Variants in AIDA observed in about 807,000 individuals in gnomAD.
The protein encoded by AIDA is axin interactor, dorsalization associated, also known as axin interactor, dorsalization-associated protein.
AIDA carries 18 observed loss-of-function variants against 42.7 expected under a neutral mutation model. The observed-to-expected ratio is 0.42, with a 90% CI of 0.29 to 0.63. The LOEUF is 0.63. Ranked by LOEUF, AIDA falls within the 20% of genes least tolerant of loss-of-function variation. The pLI, the probability that AIDA is intolerant of heterozygous loss-of-function variation, is 0.19. For synonymous variants in AIDA, 104 were observed against 122.9 expected (o/e 0.85, Z 1.02); for missense variants, 250 against 354.1 (o/e 0.71, Z 2.36).
intron 1 of AIDA, among the ~76,000 whole-genome samples, chr1:222,707,868 A>G (rs1211884189): frequency 6.6e-6 from 1 of 152,232 alleles, no homozygotes; most frequent in Admixed American, 6.5e-5. Context: ...TACAATTTCA[A>G]AAATATCATG....
At chr1:222,694,093 T>C in intron 3 of AIDA, 117 bp downstream of exon 3, 1 of 953,276 alleles carries the variant, frequency 1.0e-6, no homozygotes, top group South Asian at 1.8e-5. Flanking sequence ...ATTTAATAGA[T>C]GTTGTTATAA....
chr1:222,680,000 C>CG (rs1054659439), intron 6 of AIDA, among the ~76,000 whole-genome samples: 1 of 152,202 alleles, frequency 6.6e-6, no homozygotes, highest in Non-Finnish European at 1.5e-5. Context: ...TCCCTGAACT[C>CG]GCTAGGAGCT....
chr1:222,695,351 G>A (rs1280493284), intron 2 of AIDA, among the ~76,000 whole-genome samples: 1 of 152,214 alleles, frequency 6.6e-6, no homozygotes, highest in African/African-American at 2.4e-5. Context: ...AATTAGCCAG[G>A]TATGGTTGCA....
At chr1:222,688,958 C>T (rs192836540) in intron 4 of AIDA, among the ~76,000 whole-genome samples, 9 of 152,092 alleles carry the variant, frequency 5.9e-5, no homozygotes, top group African/African-American at 1.9e-4. Flanking sequence ...ATGTGTGTTA[C>T]TGCCCTGGAA....
At chr1:222,703,592 A>G (rs1655767251) in intron 1 of AIDA, among the ~76,000 whole-genome samples, 1 of 152,202 alleles carries the variant, frequency 6.6e-6, no homozygotes. Context: ...CAGTGATTAT[A>G]CCAACCAGAG....
At chr1:222,695,400 G>A (rs1184733366) in intron 2 of AIDA, among the ~76,000 whole-genome samples, 1 of 152,226 alleles carries the variant, frequency 6.6e-6, no homozygotes, top group African/African-American at 2.4e-5. Flanking sequence ...GCTGAGGCGG[G>A]AGAATCGCTT....
At chr1:222,673,812 G>A (rs187531356) in intron 7 of AIDA, among the ~76,000 whole-genome samples, 270 of 150,698 alleles carry the variant, frequency 1.8e-3, no homozygotes, top group African/African-American at 6.3e-3. Flanking sequence ...GGTAGGGCAC[G>A]GTGGCTCACA....
rs1293070735 is a variant in AIDA, at chr1:222,689,479, G to GTATA, written c.290-1822_290-1821insTATA. Among the ~76,000 whole-genome samples, 79 of 45,192 alleles carry GTATA rather than the reference G, an allele frequency of 1.7e-3. 1 individual carries two copies. Among genetic ancestry groups the GTATA allele is most frequent in the Middle Eastern group, 0.014 (1 of 72 alleles). 29.6% of individuals were successfully genotyped at this position (45,192 alleles called of 152,430 possible). ...AAAAAGAAAATATGTATGTGTGTGT[G>GTATA]TGTATATATATATATATATATATAT... On this transcript the variant is annotated intron_variant, in intron 4 of 9. Transcript: ENST00000340020.
intron 6 of AIDA, among the ~76,000 whole-genome samples, chr1:222,685,539 G>A (rs1471080084): frequency 6.6e-6 from 1 of 152,136 alleles, no homozygotes; most frequent in Non-Finnish European, 1.5e-5. Context: ...TAACTATAAT[G>A]GAAAGCTTCT....
intron 4 of AIDA, among the ~76,000 whole-genome samples, chr1:222,688,855 C>A (rs1655270843): frequency 6.6e-6 from 1 of 151,992 alleles, no homozygotes; most frequent in African/African-American, 2.4e-5. Context: ...GCCTCAGCCT[C>A]CCCCCAGAAA....
rs964978301 is a variant in AIDA, at chr1:222,684,637, C to A, written c.460+2293G>T. Among the ~76,000 whole-genome samples, 49 of 152,184 alleles carry A rather than the reference C, an allele frequency of 3.2e-4. 1 individual carries two copies. Among genetic ancestry groups the A allele is most frequent in the African/African-American group, 1.1e-3 (47 of 41,448 alleles). On this transcript the variant is annotated intron_variant, in intron 6 of 9. Coordinates refer to ENST00000340020, the MANE Select transcript of AIDA (RefSeq NM_022831.4). ...TATAGCTAATTAAACCATACATACT[C>A]TTTCTTTTAGGGGGGAAAAAAATTC...
At chr1:222,683,492 G>T (rs1230121993) in intron 6 of AIDA, among the ~76,000 whole-genome samples, 2 of 152,090 alleles carry the variant, frequency 1.3e-5, no homozygotes, top group Non-Finnish European at 2.9e-5. Context: ...TCTTTATTTT[G>T]AGTTTCAAAA....
At chr1:222,707,997 G>A (rs567934206) in intron 1 of AIDA, among the ~76,000 whole-genome samples, 1 of 152,158 alleles carries the variant, frequency 6.6e-6, no homozygotes, top group Non-Finnish European at 1.5e-5. Flanking sequence ...AAGTAGCAGA[G>A]ACATAAAGCA....
chr1:222,682,073 T>C (rs17163429), intron 6 of AIDA, among the ~76,000 whole-genome samples: 23,457 of 152,232 alleles, frequency 0.15, 1,961 homozygotes, highest in Middle Eastern at 0.23. Flanking sequence ...TGGGGTTACA[T>C]GGAAGGGACT....
chr1:222,677,135 T>C (rs575448917), intron 6 of AIDA, among the ~76,000 whole-genome samples: 17 of 152,280 alleles, frequency 1.1e-4, no homozygotes, highest in Admixed American at 3.3e-4. Flanking sequence ...TATTATAAGA[T>C]ACTTGATATT....
chr1:222,670,544 T>C (rs1220924446), intron 8 of AIDA, among the ~76,000 whole-genome samples: 1 of 152,150 alleles, frequency 6.6e-6, no homozygotes, highest in East Asian at 1.9e-4. Context: ...GGTAGAATCA[T>C]AAGCTGCTAT....
At position 222,702,643 on chromosome 1, in the gene AIDA, T is replaced by C. The variant is rs376874068; in HGVS notation, c.180+505A>G. ...TGCCAAATTCTTGACTTGAACTAAT[T>C]GTTTTCAGTGGAGAGGTGTTTTGGT... On this transcript the variant is annotated intron_variant, in intron 2 of 9. Transcript: ENST00000340020. 5.9e-5 allele frequency among the ~76,000 whole-genome samples: 9 copies of C among 152,380 alleles called. No individual in the cohort carries two copies. In the South Asian group the frequency reaches 1.9e-3, roughly 32 times the overall value.
chr1:222,699,157 T>C (rs1039103960), intron 2 of AIDA, among the ~76,000 whole-genome samples: 1 of 152,192 alleles, frequency 6.6e-6, no homozygotes, highest in African/African-American at 2.4e-5. Context: ...TTTAATTTTC[T>C]TTCAAAGTTG....
At chr1:222,711,102 G>A (rs1430283537) in intron 1 of AIDA, among the ~76,000 whole-genome samples, 1 of 151,642 alleles carries the variant, frequency 6.6e-6, no homozygotes, top group Non-Finnish European at 1.5e-5. Flanking sequence ...ATGGGGGGTG[G>A]GGGAGGCCGG....
Sources: gnomAD v4.1 joint callset for allele counts (sites outside exome capture counted in the v4.1 genomes callset) on GRCh38, gnomAD v4.1.1 for gene constraint, MANE v1.5 for transcripts, NCBI Gene and HGNC (gene_info 2026-07-23, HGNC 2026-07-21) for gene names.